Variants in METTL23 observed in about 807,000 individuals in gnomAD.
METTL23 encodes the protein methyltransferase 23, arginine.
A neutral mutation model predicts 21.2 loss-of-function variants in METTL23; 24 were observed. That is an observed-to-expected ratio of 1.13 (90% CI 0.82 to 1.59). The LOEUF (loss-of-function observed/expected upper bound fraction) is 1.59, where lower values mean the gene tolerates loss of function less well. Among genes scored for constraint, METTL23 ranks in the 40% most tolerant of loss-of-function variants. The probability of loss-of-function intolerance (pLI) is 0.00; values close to 1 mark genes in which losing one functional copy is unlikely to be tolerated. For missense variants in METTL23, 276 were observed against 221.4 expected, an observed-to-expected ratio of 1.25 and a Z score of -1.57; for synonymous variants, 97 against 75.2, an observed-to-expected ratio of 1.29 and a Z score of -1.50.
chr17:76,728,433 G>A (rs1291577541), intron 1 of METTL23, among the ~76,000 whole-genome samples: 1 of 68,338 alleles, frequency 1.5e-5, no homozygotes, highest in Non-Finnish European at 2.6e-5. Flanking sequence ...TTTTTTTGGA[G>A]ATGGAGTCTC....
chr17:76,727,083 T>C lies in METTL23; in HGVS notation c.-117T>C, dbSNP rs1316292165. On this transcript the variant is annotated 5_prime_UTR_variant, in exon 1 of 5. Transcript: ENST00000341249. ...CGACGCCCTACTGGGCGAGCACGAT[T>C]TCCGAGGACAGGGGGTCCGGGCCCA... is the stretch of plus-strand genomic sequence containing the variant. 4.4e-6 allele frequency: 2 copies of C among 454,582 alleles called. No homozygotes were observed. Among genetic ancestry groups the C allele is most frequent in the East Asian group, 1.4e-4 (2 of 14,318 alleles). The allele number at this position is 454,582 out of a possible 1,614,324, so 28.2% of individuals were successfully genotyped here.
chr17:76,730,484 C>CTAAA (rs1281339106), intron 2 of METTL23, among the ~76,000 whole-genome samples: 1 of 152,002 alleles, frequency 6.6e-6, no homozygotes, highest in African/African-American at 2.4e-5. Context: ...ACCACAAAGC[C>CTAAA]TAAAATATTG....
In METTL23 at chr17:76,733,375, G is replaced by A; in HGVS notation, c.405G>A (p.Arg135=). 6.2e-7 allele frequency: 1 copy of A among 1,613,758 alleles called. No individual in the cohort carries two copies. Among genetic ancestry groups the A allele is most frequent in the East Asian group, 2.2e-5 (1 of 44,884 alleles). ...KVQLWSTYQV[R]SADWSLEALL... Reference sequence around the variant, plus strand: ...AATTGTGGTCTACTTATCAAGTTAGGAGGCAAGTATGGATGACCCTTACTT... The same window carrying A: ...AATTGTGGTCTACTTATCAAGTTAGAAGGCAAGTATGGATGACCCTTACTT... Residue 135 remains arginine, a splice_region_variant and synonymous_variant, in exon 4 of 5, where the codon AGG becomes AGA. Transcript: ENST00000341249.
At chr17:76,727,354 C>G in intron 1 of METTL23, 176 bp downstream of exon 1, 1 of 327,152 alleles carries the variant, frequency 3.1e-6, no homozygotes, top group Non-Finnish European at 6.1e-6. Context: ...TTAAATGTCT[C>G]TCAGTAAGAA....
chr17:76,726,205 G>T, upstream of METTL23: 2 of 1,167,380 alleles, frequency 1.7e-6, no homozygotes, highest in Non-Finnish European at 1.1e-6. Context: ...GCGCCTCGGG[G>T]ACCCCAAACT....
chr17:76,726,733 T>A (rs1048443154), upstream of METTL23: 1 of 507,768 alleles, frequency 2.0e-6, no homozygotes. Context: ...CCTGGGGTAC[T>A]CCTTCACATA....
intron 1 of METTL23, among the ~76,000 whole-genome samples, chr17:76,728,398 A>G (rs547765242): frequency 4.4e-5 from 6 of 136,676 alleles, no homozygotes; most frequent in Admixed American, 1.6e-4. Context: ...ACCACACCCA[A>G]TCTGGCTTCA....
At chr17:76,726,516 A>G, upstream of METTL23, 1 of 1,567,946 alleles carries the variant, frequency 6.4e-7, no homozygotes, top group Non-Finnish European at 8.6e-7. Context: ...ACCTCGGCGC[A>G]GCCCGCTTCC....
Position 76,733,523 on chromosome 17 carries a change from C to T in METTL23, c.410C>T (p.Ala137Val), listed in dbSNP as rs767725326. 7.5e-6 allele frequency: 12 copies of T among 1,603,786 alleles called. No individual in the cohort carries two copies. Among genetic ancestry groups the T allele is most frequent in the Admixed American group, 1.7e-5 (1 of 57,492 alleles). The change falls in exon 5 of 5, where the codon GCT becomes GTT. Residue 137 changes from alanine to valine, a missense_variant and splice_region_variant. Transcript: ENST00000341249. Reference sequence around the variant, plus strand: ...AAGAACAACTTTTTTTTTTTAAGTGCTGACTGGTCACTTGAAGCTTTACTC... The same window carrying T: ...AAGAACAACTTTTTTTTTTTAAGTGTTGACTGGTCACTTGAAGCTTTACTC... The part of the protein sequence containing the change: ...QLWSTYQVRS[A>V]DWSLEALLYK...
At chr17:76,733,270 A>G in intron 3 of METTL23, 23 bp from the exon 4 acceptor site, 1 of 1,612,702 alleles carries the variant, frequency 6.2e-7, no homozygotes. Flanking sequence ...ATGAAAATCT[A>G]TTCATAAATC....
chr17:76,726,256 C>T (rs1172742479), upstream of METTL23: 2 of 1,442,744 alleles, frequency 1.4e-6, no homozygotes, highest in Non-Finnish European at 1.8e-6. Flanking sequence ...CCCGGGCGCT[C>T]GGGGCGAGGG....
At chr17:76,730,220 C>T (rs2077143776) in intron 2 of METTL23, among the ~76,000 whole-genome samples, 1 of 151,210 alleles carries the variant, frequency 6.6e-6, no homozygotes, top group Non-Finnish European at 1.5e-5. Flanking sequence ...ACCCTGGAGG[C>T]GGAGGTTACA....
chr17:76,730,306 G>GT (rs1396254634), intron 2 of METTL23, among the ~76,000 whole-genome samples: 9 of 151,688 alleles, frequency 5.9e-5, no homozygotes, highest in South Asian at 2.1e-4. Context: ...AAAAAAAGTG[G>GT]TTTTTTAAAG....
In METTL23 at chr17:76,733,355, T is replaced by C. The variant is rs748830379; in HGVS notation, c.385T>C (p.Trp129Arg). ...GCACAAGAATCCCAAGGTCCAATTG[T>C]GGTCTACTTATCAAGTTAGGAGGCA... ...LMHKNPKVQL[W>R]STYQVRSADW... Residue 129 changes from tryptophan to arginine, a missense_variant, in exon 4 of 5, where the codon TGG (tryptophan) becomes CGG (arginine). Transcript: ENST00000341249. The C allele has an allele frequency of 6.2e-7, 1 of 1,613,978 alleles. No individual in the cohort carries two copies. The highest frequency in any genetic ancestry group is 8.5e-7 in the Non-Finnish European group (1 of 1,179,884).
At position 76,733,187 on chromosome 17, in the gene METTL23, T is replaced by C. The variant is rs764857962; in HGVS notation, c.294T>C (p.Leu98=). The change falls in exon 3 of 5, where the codon CTT becomes CTC. Residue 98 remains leucine, a synonymous_variant. Coordinates refer to ENST00000341249, the MANE Select transcript of METTL23 (RefSeq NM_001080510.5). ...LLALPPQDII[L]ASDVFFEPED... ...CTCTACCACCACAAGATATTATCCT[T>C]GCATCTGATGTGTTCTTTGAACCAG... is the stretch of plus-strand genomic sequence containing the variant. 3 of 1,613,948 alleles carry C rather than the reference T, an allele frequency of 1.9e-6. No homozygotes were observed. The highest frequency in any genetic ancestry group is 4.5e-5 in the East Asian group (2 of 44,894).
At chr17:76,726,554 G>GGGC, upstream of METTL23, 2 of 1,494,830 alleles carry the variant, frequency 1.3e-6, no homozygotes, top group East Asian at 5.0e-5. Flanking sequence ...TCCCCGGCCT[G>GGGC]GGCGGCGGCG....
rs12602772 is a variant in METTL23 at position 76,733,068 on chromosome 17, C to G, written c.175C>G (p.Leu59Val). 6.2e-7 allele frequency: 1 copy of G among 1,608,272 alleles called. No individual in the cohort carries two copies. ...AGACAGCTCAGAACTGCCTCACTGT[C>G]TGGAAGTCTGTCGGCAAAGCTGCCA... ...LSDSSELPHC[L>V]EVCRQSCQMN... The change falls in exon 3 of 5, where the codon CTG becomes GTG. Residue 59 changes from leucine (L) to valine (V), a missense_variant. Coordinates refer to ENST00000341249, the MANE Select transcript of METTL23 (RefSeq NM_001080510.5).
Position 76,727,094 on chromosome 17 carries a change from G to C in METTL23, c.-106G>C, listed in dbSNP as rs1209286324. On this transcript the variant is annotated 5_prime_UTR_variant, in exon 1 of 5. Transcript: ENST00000341249. ...TGGGCGAGCACGATTTCCGAGGACA[G>C]GGGGTCCGGGCCCAGCGCTTTCGAT... 1.5e-5 allele frequency: 7 copies of C among 454,554 alleles called. No homozygotes were observed. The highest frequency in any genetic ancestry group is 3.1e-5 in the Non-Finnish European group (7 of 226,348). The allele number at this position is 454,554 out of a possible 1,614,324, so 28.2% of individuals were successfully genotyped here. A position where few individuals can be genotyped will look rare whatever the true frequency, so the allele number is the denominator to read the frequency against.
At position 76,733,768 on chromosome 17, in the gene METTL23, T is replaced by C; in HGVS notation, c.*82T>C. The C allele has an allele frequency of 1.6e-6, 2 of 1,282,056 alleles. No individual in the cohort carries two copies. The highest frequency in any genetic ancestry group is 2.4e-5 in the Admixed American group (1 of 41,180). The allele number at this position is 1,282,056 out of a possible 1,614,324, so 79.4% of individuals were successfully genotyped here. A position where few individuals can be genotyped will look rare whatever the true frequency, so the allele number is the denominator to read the frequency against. ...CAAACTATGAGCAGACCACTTCAGCTTGAGAATGCAGTGGGTCTGAAGATG... is the reference window on the plus strand; with the variant it reads ...CAAACTATGAGCAGACCACTTCAGCCTGAGAATGCAGTGGGTCTGAAGATG... On this transcript the variant is annotated 3_prime_UTR_variant, in exon 5 of 5. Coordinates refer to ENST00000341249, the MANE Select transcript of METTL23 (RefSeq NM_001080510.5).
Sources: gnomAD v4.1 joint callset for allele counts (sites outside exome capture counted in the v4.1 genomes callset) on GRCh38, gnomAD v4.1.1 for gene constraint, MANE v1.5 for transcripts, NCBI Gene and HGNC (gene_info 2026-07-23, HGNC 2026-07-21) for gene names.